The following COG3 variants were observed in gnomAD, a reference collection of about 807,000 sequenced individuals.
COG3 encodes the protein conserved oligomeric Golgi complex subunit 3.
In COG3, 32 loss-of-function variants were observed where a neutral mutation model predicts 114.1. The observed-to-expected ratio is 0.28, with a 90% CI of 0.21 to 0.38. The LOEUF is 0.38. Ranked by LOEUF, COG3 falls within the 10% of genes least tolerant of loss-of-function variation. COG3 has a pLI of 1.00. For missense variants in COG3, 813 were observed against 973.2 expected, an observed-to-expected ratio of 0.84 and a Z score of 2.19; for synonymous variants, 352 against 365.7, an observed-to-expected ratio of 0.96 and a Z score of 0.43.
intron 8 of COG3, among the ~76,000 whole-genome samples, chr13:45,489,290 T>G (rs1378876214): frequency 1.2e-4 from 4 of 33,510 alleles, no homozygotes; most frequent in African/African-American, 1.5e-4. Flanking sequence ...AGCCAACCAG[T>G]TTAAAGGAAT....
intron 17 of COG3, among the ~76,000 whole-genome samples, chr13:45,516,724 G>T (rs989652755): frequency 1.4e-4 from 21 of 152,164 alleles, no homozygotes; most frequent in Non-Finnish European, 2.8e-4. Flanking sequence ...CCCGGCCTTT[G>T]TGTGATCTTG....
At position 45,535,556 on chromosome 13, in the gene COG3, C is replaced by A; in HGVS notation, c.*825C>A. ...AGGAAACCTGAGGAGTAGTGTTCCT[C>A]CTGAATGAAGGTTCAGGTCACCAGC... On this transcript the variant is annotated 3_prime_UTR_variant, in exon 23 of 23. Coordinates refer to ENST00000349995, the MANE Select transcript of COG3 (RefSeq NM_031431.4). 1.0e-6 allele frequency: 1 copy of A among 985,614 alleles called. No individual in the cohort carries two copies. Among genetic ancestry groups the A allele is most frequent in the African/African-American group, 1.7e-5 (1 of 57,354 alleles). The allele number at this position is 985,614 out of a possible 1,614,324, so 61.1% of individuals were successfully genotyped here. A position where few individuals can be genotyped will look rare whatever the true frequency, so the allele number is the denominator to read the frequency against.
intron 19 of COG3, among the ~76,000 whole-genome samples, chr13:45,522,065 A>G (rs1368034394): frequency 1.3e-5 from 2 of 152,128 alleles, no homozygotes; most frequent in African/African-American, 4.8e-5. Context: ...TCGGCCACCC[A>G]AAGTGCTGAG....
chr13:45,533,167 C>T (rs1170404731), intron 22 of COG3, among the ~76,000 whole-genome samples: 3 of 151,348 alleles, frequency 2.0e-5, no homozygotes, highest in East Asian at 1.9e-4. Context: ...GAGACAGGCT[C>T]GGGTGAGTTT....
chr13:45,520,156 G>A (rs1217748445), intron 19 of COG3, among the ~76,000 whole-genome samples: 1 of 152,062 alleles, frequency 6.6e-6, no homozygotes, highest in East Asian at 1.9e-4. Flanking sequence ...ATGTGTAGTG[G>A]CGTGTGCCTA....
At chr13:45,465,795 A>C (rs899234066) in intron 1 of COG3, 8 of 152,358 alleles carry the variant, frequency 5.3e-5, no homozygotes, top group Non-Finnish European at 1.0e-4. Context: ...CAAAGCAATA[A>C]AAATGAATTT....
At chr13:45,517,603 T>G (rs2137900676) in intron 17 of COG3, among the ~76,000 whole-genome samples, 1 of 152,104 alleles carries the variant, frequency 6.6e-6, no homozygotes, top group South Asian at 2.1e-4. Context: ...CTTTTGCCTT[T>G]ACAGAACACA....
At chr13:45,487,158 G>C (rs1373461560) in intron 8 of COG3, among the ~76,000 whole-genome samples, 1 of 152,110 alleles carries the variant, frequency 6.6e-6, no homozygotes, top group Non-Finnish European at 1.5e-5. Context: ...ACATTTTGTG[G>C]GGAAAGGATG....
chr13:45,477,552 G>A (rs561101918), intron 2 of COG3, among the ~76,000 whole-genome samples: 75 of 151,618 alleles, frequency 4.9e-4, no homozygotes, highest in Non-Finnish European at 7.2e-4. Context: ...TCAACTCCCC[G>A]CATCCCCCTT....
intron 16 of COG3, among the ~76,000 whole-genome samples, chr13:45,514,954 G>A (rs1941346802): frequency 6.6e-6 from 1 of 152,140 alleles, no homozygotes; most frequent in African/African-American, 2.4e-5. Flanking sequence ...GGCCAAGCTT[G>A]TGTACTTTTA....
intron 13 of COG3, among the ~76,000 whole-genome samples, chr13:45,502,055 C>G (rs916630568): frequency 2.0e-5 from 3 of 152,108 alleles, no homozygotes; most frequent in Non-Finnish European, 4.4e-5. Flanking sequence ...TTTCTGTGGT[C>G]CATAGCTGGA....
At position 45,524,968 on chromosome 13, in the gene COG3, T is replaced by C. The variant is rs1437634183; in HGVS notation, c.2155-8T>C. 6.2e-7 allele frequency: 1 copy of C among 1,612,386 alleles called. No individual in the cohort carries two copies. On this transcript the variant is annotated splice_polypyrimidine_tract_variant and splice_region_variant and intron_variant, in intron 19 of 22. Coordinates refer to ENST00000349995, the MANE Select transcript of COG3 (RefSeq NM_031431.4). ...TGAAACTTTTTTTCTTTTTGTCTCCTCTATTAGGTTTCAGCGTTAAAAACA... is the reference window on the plus strand; with the variant it reads ...TGAAACTTTTTTTCTTTTTGTCTCCCCTATTAGGTTTCAGCGTTAAAAACA...
intron 13 of COG3, among the ~76,000 whole-genome samples, chr13:45,498,798 T>TTTCC (rs10691523): frequency 8.1e-5 from 12 of 148,400 alleles, no homozygotes; most frequent in African/African-American, 3.0e-4. Flanking sequence ...TTTTTTTTTT[T>TTTCC]CAAATTGTTT....
At chr13:45,530,593 C>A in intron 21 of COG3, 89 bp from the exon 22 acceptor site, 1 of 826,688 alleles carries the variant, frequency 1.2e-6, no homozygotes, top group Non-Finnish European at 2.1e-6. Context: ...CTTCCACTCG[C>A]TTTGGCAAAT....
intron 16 of COG3, among the ~76,000 whole-genome samples, chr13:45,513,012 G>C (rs1285249292): frequency 1.3e-5 from 2 of 150,604 alleles, no homozygotes; most frequent in Non-Finnish European, 3.0e-5. Context: ...CCAGGAAGTA[G>C]AGCATGTTCA....
At chr13:45,502,293 T>G (rs1389030534) in intron 13 of COG3, among the ~76,000 whole-genome samples, 1 of 152,210 alleles carries the variant, frequency 6.6e-6, no homozygotes, top group African/African-American at 2.4e-5. Context: ...TTAATTGCTG[T>G]GTCTGATAGG....
At position 45,464,973 on chromosome 13, in the gene COG3, C is replaced by A; in HGVS notation, c.-64C>A. On this transcript the variant is annotated 5_prime_UTR_variant, in exon 1 of 23. Transcript: ENST00000349995. The stretch of plus-strand genomic sequence containing the variant: ...GAAGCTCCGGTTCTCCCGGAAGTGG[C>A]CCAGGTCTCTCTGTCGGGGTCCCCT... 6.6e-7 allele frequency: 1 copy of A among 1,514,448 alleles called. No individual in the cohort carries two copies. The allele number at this position is 1,514,448 out of a possible 1,614,324, so 93.8% of individuals were successfully genotyped here.
At chr13:45,501,148 C>G (rs959643397) in intron 13 of COG3, among the ~76,000 whole-genome samples, 1 of 152,240 alleles carries the variant, frequency 6.6e-6, no homozygotes, top group African/African-American at 2.4e-5. Context: ...TCCTCTTCCC[C>G]ACTTTCCACA....
intron 21 of COG3, among the ~76,000 whole-genome samples, chr13:45,530,309 G>A (rs1873057381): frequency 6.6e-6 from 1 of 152,198 alleles, no homozygotes; most frequent in Non-Finnish European, 1.5e-5. Flanking sequence ...AGCAAATTTA[G>A]GGCTCATAAT....
Sources: gnomAD v4.1 joint callset for allele counts (sites outside exome capture counted in the v4.1 genomes callset) on GRCh38, gnomAD v4.1.1 for gene constraint, MANE v1.5 for transcripts, NCBI Gene and HGNC (gene_info 2026-07-23, HGNC 2026-07-21) for gene names.